The following ZNF385D variants were observed in gnomAD, a reference collection of about 807,000 sequenced individuals.
ZNF385D encodes zinc finger protein 385D.
Under a neutral mutation model 35.8 loss-of-function variants are expected in ZNF385D, and 15 were observed. The ratio of observed to expected loss-of-function variants is 0.42; its 90% CI spans 0.28 to 0.64. The LOEUF (loss-of-function observed/expected upper bound fraction) is 0.64. Among genes scored for constraint, ZNF385D ranks in the 30% least tolerant of loss-of-function variants. The pLI, the probability that ZNF385D is intolerant of heterozygous loss-of-function variation, is 0.23. For missense variants in ZNF385D, 474 were observed against 494.6 expected, an observed-to-expected ratio of 0.96 and a Z score of 0.39; for synonymous variants, 212 against 186.8, an observed-to-expected ratio of 1.13 and a Z score of -1.10.
chr3:21,876,269 T>G lies in ZNF385D; in HGVS notation c.326-211241A>C, dbSNP rs182206759. The stretch of plus-strand genomic sequence containing the variant: ...AACTTTTTATTCCAAATCTGGTGTG[T>G]TTTTTTTTTCTGTCCTATTGCTTAT... On this transcript the variant is annotated intron_variant, in intron 3 of 5. Transcript: ENST00000494108. Among the ~76,000 whole-genome samples the G allele has an allele frequency of 1.4e-3, 205 of 148,018 alleles. 1 individual carries two copies. The highest frequency in any genetic ancestry group is 2.5e-3 in the Non-Finnish European group (169 of 66,702).
intron 2 of ZNF385D, among the ~76,000 whole-genome samples, chr3:22,248,674 G>T (rs956435809): frequency 1.3e-5 from 2 of 152,060 alleles, no homozygotes; most frequent in African/African-American, 4.8e-5. Flanking sequence ...CTCTACAGGG[G>T]AAATTAATTC....
rs890116555 is a variant in ZNF385D, at chr3:21,987,817, A to G, written c.325+181000T>C. Among the ~76,000 whole-genome samples, 50 of 127,130 alleles carry G rather than the reference A, an allele frequency of 3.9e-4. 4 individuals are homozygous for G. Among genetic ancestry groups the G allele is most frequent in the Non-Finnish European group, 6.6e-4 (42 of 63,334 alleles). The allele number at this position is 127,130 out of a possible 152,430, so 83.4% of individuals were successfully genotyped here. ...ACTTTCAGGTACACCAATCAGACGT[A>G]GATTTGGTCTTTTCACATAGTCCCA... On this transcript the variant is annotated intron_variant, in intron 3 of 5. Transcript: ENST00000494108.
rs534503779 is a variant in ZNF385D, at chr3:21,460,878, A to C, written c.440-23675T>G. On this transcript the variant is annotated intron_variant, in intron 4 of 7. Transcript: ENST00000281523. ...AAGTCTCAGCTTTCTCTCTGTCATG[A>C]GAAAAATATTAAGTTGTTTACCTTA... 2.6e-4 allele frequency among the ~76,000 whole-genome samples: 40 copies of C among 152,298 alleles called. No homozygotes were observed. In the East Asian group the frequency reaches 4.1e-3, roughly 15 times the overall value.
chr3:22,040,362 G>C (rs1197082544), intron 3 of ZNF385D, among the ~76,000 whole-genome samples: 1 of 152,072 alleles, frequency 6.6e-6, no homozygotes, highest in Non-Finnish European at 1.5e-5. Context: ...TCATTTTATA[G>C]ATAAGGGAAC....
At chr3:22,153,448 TCAC>T (rs1305680535) in intron 3 of ZNF385D, among the ~76,000 whole-genome samples, 2 of 148,762 alleles carry the variant, frequency 1.3e-5, no homozygotes, top group Non-Finnish European at 3.0e-5. Flanking sequence ...ATTCTGTTTG[TCAC>T]CATGAAATTC....
chr3:22,224,291 T>A (rs1411497635), intron 2 of ZNF385D, among the ~76,000 whole-genome samples: 1 of 152,206 alleles, frequency 6.6e-6, no homozygotes, highest in Non-Finnish European at 1.5e-5. Context: ...TTAATCTTCT[T>A]TGGAGTAGTA....
chr3:21,729,318 T>C (rs1186465951), intron 1 of ZNF385D, among the ~76,000 whole-genome samples: 3 of 152,186 alleles, frequency 2.0e-5, no homozygotes, highest in East Asian at 1.9e-4. Context: ...TCTTTAAATA[T>C]TGATTTGCTA....
In ZNF385D at chr3:21,522,065, G is replaced by A. The variant is rs1012720399; in HGVS notation, c.277-11042C>T. 4.6e-5 allele frequency among the ~76,000 whole-genome samples: 7 copies of A among 152,084 alleles called. 1 individual carries two copies. The highest frequency in any genetic ancestry group is 2.1e-4 in the South Asian group (1 of 4,816). On this transcript the variant is annotated intron_variant, in intron 3 of 7. Coordinates refer to ENST00000281523, the MANE Select transcript of ZNF385D (RefSeq NM_024697.3). ...ATGAATGTTCTGTATAAATCAATTC[G>A]GTGCCCTGGCTGAAATTCTAGATAT... is the stretch of plus-strand genomic sequence containing the variant.
At position 21,682,229 on chromosome 3, in the gene ZNF385D, TA is replaced by T. The variant is rs1285226516; in HGVS notation, c.23-17202del. 2.0e-5 allele frequency among the ~76,000 whole-genome samples: 3 copies of T among 151,096 alleles called. No individual in the cohort carries two copies. The East Asian group carries it at 6.0e-4, about 30-fold the overall frequency. The stretch of plus-strand genomic sequence containing the variant: ...TGTTTTTAGTTTAGCTTTGTCCTTT[TA>T]AGTTAGAAGCCAGAAAGATTGGCTA... On this transcript the variant is annotated intron_variant, in intron 1 of 7. Transcript: ENST00000281523.
chr3:21,750,833 C>T (rs1182888805), intron 1 of ZNF385D, 62 bp downstream of exon 1: 1 of 1,605,040 alleles, frequency 6.2e-7, no homozygotes, highest in Non-Finnish European at 8.5e-7. Flanking sequence ...TTTTTAAGGG[C>T]TTGTCTGCAC....
intron 3 of ZNF385D, among the ~76,000 whole-genome samples, chr3:21,895,660 A>G (rs1196788963): frequency 6.6e-6 from 1 of 152,024 alleles, no homozygotes; most frequent in Non-Finnish European, 1.5e-5. Context: ...GTTTTTAAAC[A>G]TGAAAGATTT....
intron 2 of ZNF385D, among the ~76,000 whole-genome samples, chr3:22,351,616 T>C (rs1056352385): frequency 5.9e-5 from 9 of 152,056 alleles, no homozygotes; most frequent in Admixed American, 5.2e-4. Flanking sequence ...ATCCAATAAC[T>C]CTGTATAATG....
chr3:22,141,667 G>GGGAGGA (rs146577130), intron 3 of ZNF385D, among the ~76,000 whole-genome samples: 1 of 151,762 alleles, frequency 6.6e-6, no homozygotes, highest in Non-Finnish European at 1.5e-5. Context: ...CCGCCCCTGG[G>GGGAGGA]GGAGGAGGAG....
chr3:21,487,706 C>T (rs761558215), intron 4 of ZNF385D, among the ~76,000 whole-genome samples: 1 of 152,092 alleles, frequency 6.6e-6, no homozygotes, highest in Non-Finnish European at 1.5e-5. Flanking sequence ...AGGATCAGTC[C>T]TCTGAAGCTG....
At chr3:22,130,666 C>A (rs1481297094) in intron 3 of ZNF385D, among the ~76,000 whole-genome samples, 1 of 152,130 alleles carries the variant, frequency 6.6e-6, no homozygotes, top group South Asian at 2.1e-4. Context: ...CTTCCCACAC[C>A]ATTTGACACT....
intron 4 of ZNF385D, among the ~76,000 whole-genome samples, chr3:21,476,480 A>G (rs1320192031): frequency 3.3e-5 from 5 of 151,998 alleles, no homozygotes; most frequent in Non-Finnish European, 7.4e-5. Flanking sequence ...GAGCTCAATT[A>G]TCTCCCTCTC....
chr3:21,728,581 C>G (rs1397441247), intron 1 of ZNF385D, among the ~76,000 whole-genome samples: 1 of 152,096 alleles, frequency 6.6e-6, no homozygotes, highest in Non-Finnish European at 1.5e-5. Flanking sequence ...TTCTGAGAAC[C>G]TACAGTATAC....
intron 3 of ZNF385D, among the ~76,000 whole-genome samples, chr3:21,984,205 A>G (rs1302840627): frequency 6.8e-6 from 1 of 146,468 alleles, no homozygotes; most frequent in Non-Finnish European, 1.5e-5. Flanking sequence ...TTTTGTTGCC[A>G]TTGCTTTTGG....
intron 1 of ZNF385D, among the ~76,000 whole-genome samples, chr3:21,703,335 TGATTCAA>T (rs2067765542): frequency 6.6e-6 from 1 of 152,128 alleles, no homozygotes; most frequent in Non-Finnish European, 1.5e-5. Flanking sequence ...ACAGCCCCCA[TGATTCAA>T]TTACCTCCCC....
Sources: gnomAD v4.1 joint callset for allele counts (sites outside exome capture counted in the v4.1 genomes callset) on GRCh38, gnomAD v4.1.1 for gene constraint, MANE v1.5 for transcripts, NCBI Gene and HGNC (gene_info 2026-07-23, HGNC 2026-07-21) for gene names.